MCM6: variants seen among roughly 807,000 people sequenced by gnomAD.
MCM6 encodes minichromosome maintenance complex component 6.
Under a neutral mutation model 94.3 loss-of-function variants are expected in MCM6, and 46 were observed. The ratio of observed to expected loss-of-function variants is 0.49; its 90% CI spans 0.39 to 0.62. MCM6 has a LOEUF of 0.62. MCM6 is among the 20% of genes least tolerant of loss of function. The pLI, the probability that MCM6 is intolerant of heterozygous loss-of-function variation, is 0.00. For missense variants in MCM6, 865 were observed against 1,017.9 expected, an observed-to-expected ratio of 0.85 and a Z score of 2.04; for synonymous variants, 335 against 351.9, an observed-to-expected ratio of 0.95 and a Z score of 0.54.
In MCM6 at chr2:135,848,188, C is replaced by T. The variant is rs1302265087; in HGVS notation, c.1918G>A (p.Val640Ile). 1 of 1,601,154 alleles carries T rather than the reference C, an allele frequency of 6.2e-7. No individual in the cohort carries two copies. Among genetic ancestry groups the T allele is most frequent in the East Asian group, 2.2e-5 (1 of 44,676 alleles). Reference sequence around the variant, plus strand: ...GCTTCCTTCACATGTTTAGGTTGGACCTAAACCAATAATGATGAAGTAATT... The same window carrying T: ...GCTTCCTTCACATGTTTAGGTTGGATCTAAACCAATAATGATGAAGTAATT... Reference protein sequence around the residue: ...AMARMHCCDEVQPKHVKEAFR... With the variant: ...AMARMHCCDEIQPKHVKEAFR... The change falls in exon 14 of 17, where the codon GTC (valine) becomes ATC (isoleucine). Residue 640 changes from valine (V) to isoleucine (I), a missense_variant and splice_region_variant. By Grantham distance (29) the Val-to-Ile change is conservative. This residue lies in a region of MCM6 where 308 missense variants were observed against 324.5 expected (regional missense o/e 0.95). Coordinates refer to ENST00000264156, the MANE Select transcript of MCM6 (RefSeq NM_005915.6).
intron 3 of MCM6, among the ~76,000 whole-genome samples, chr2:135,869,363 T>G (rs1407390055): frequency 2.8e-5 from 4 of 144,372 alleles, no homozygotes; most frequent in African/African-American, 1.0e-4. Flanking sequence ...ATCGTGCCAC[T>G]GCACTCTGGC....
intron 1 of MCM6, among the ~76,000 whole-genome samples, chr2:135,875,299 G>A (rs550771309): frequency 3.3e-5 from 5 of 152,210 alleles, no homozygotes; most frequent in South Asian, 2.1e-4. Context: ...GGGAGACGGA[G>A]GTTGCGGTGA....
intron 11 of MCM6, 146 bp downstream of exon 11, chr2:135,856,582 T>C (rs1679896003): frequency 1.5e-6 from 1 of 655,216 alleles, no homozygotes; most frequent in South Asian, 3.2e-5. Context: ...AGTTGCTTAC[T>C]AAACCCTTTG....
chr2:135,876,282 T>C lies in MCM6; in HGVS notation c.84A>G (p.Lys28=), dbSNP rs773891158. The change falls in exon 1 of 17, where the codon AAA becomes AAG. Residue 28 remains lysine, a synonymous_variant. Coordinates refer to ENST00000264156, the MANE Select transcript of MCM6 (RefSeq NM_005915.6). ...VRDEVAEKCQ[K]LFLDFLEEFQ... ...ACTCCTCCAAGAAGTCCAGGAACAG[T>C]TTCTGGCACTTCTCGGCCACCTCGT... is the stretch of plus-strand genomic sequence containing the variant. The C allele has an allele frequency of 1.9e-6, 3 of 1,610,480 alleles. No individual in the cohort carries two copies. Among genetic ancestry groups the C allele is most frequent in the African/African-American group, 1.3e-5 (1 of 74,742 alleles).
intron 1 of MCM6, among the ~76,000 whole-genome samples, chr2:135,875,136 C>CG (rs929831367): frequency 6.6e-5 from 10 of 152,088 alleles, no homozygotes; most frequent in Non-Finnish European, 1.2e-4. Flanking sequence ...GAAGCCCAGG[C>CG]GGGGGGATCA....
intron 15 of MCM6, 120 bp downstream of exon 15, chr2:135,846,117 A>T (rs1679665462): frequency 3.1e-6 from 3 of 959,702 alleles, no homozygotes; most frequent in African/African-American, 1.6e-5. Context: ...AAGTGAGTTT[A>T]TCTAACAACT....
At chr2:135,868,926 T>C in intron 3 of MCM6, 66 bp from the exon 4 acceptor site, 1 of 1,457,100 alleles carries the variant, frequency 6.9e-7, no homozygotes, top group Non-Finnish European at 9.5e-7. Context: ...TCCATTTTAG[T>C]GAGAGGGTAT....
intron 14 of MCM6, 46 bp from the exon 15 acceptor site, chr2:135,846,438 C>G: frequency 6.5e-7 from 1 of 1,547,404 alleles, no homozygotes; most frequent in Non-Finnish European, 8.9e-7. Context: ...GTGCCCTTAA[C>G]ATCCCCTTGT....
At chr2:135,856,910 A>G (rs766006964) in intron 10 of MCM6, 27 bp from the exon 11 acceptor site, 1 of 1,590,740 alleles carries the variant, frequency 6.3e-7, no homozygotes, top group South Asian at 1.1e-5. Context: ...GAATCTTAAC[A>G]GATTTAAATA....
At chr2:135,866,432 T>C (rs1680096342) in intron 5 of MCM6, 131 bp downstream of exon 5, 3 of 1,400,148 alleles carry the variant, frequency 2.1e-6, no homozygotes, top group Non-Finnish European at 2.9e-6. Context: ...AATTTGTTTT[T>C]ATTCTCATCA....
At chr2:135,861,072 A>T (rs1390263806) in intron 8 of MCM6, among the ~76,000 whole-genome samples, 1 of 152,196 alleles carries the variant, frequency 6.6e-6, no homozygotes, top group Non-Finnish European at 1.5e-5. Context: ...AAAAAAAAGA[A>T]TCCTTTGTAA....
intron 15 of MCM6, among the ~76,000 whole-genome samples, chr2:135,845,884 T>C (rs1679661737): frequency 6.6e-6 from 1 of 152,226 alleles, no homozygotes; most frequent in Admixed American, 6.5e-5. Context: ...AAATATACCC[T>C]AGGGGTCCAG....
intron 13 of MCM6, among the ~76,000 whole-genome samples, chr2:135,850,095 T>C (rs556297098): frequency 2.3e-4 from 35 of 152,234 alleles, no homozygotes; most frequent in African/African-American, 8.4e-4. Context: ...TCAGGAACTA[T>C]CACAATGAAA....
At chr2:135,852,445 A>G (rs1679794802) in intron 12 of MCM6, among the ~76,000 whole-genome samples, 1 of 152,026 alleles carries the variant, frequency 6.6e-6, no homozygotes, top group Non-Finnish European at 1.5e-5. Flanking sequence ...CTTCAAAGAA[A>G]GATTCAACTA....
chr2:135,861,483 G>A (rs958373139), intron 8 of MCM6, among the ~76,000 whole-genome samples: 10 of 152,096 alleles, frequency 6.6e-5, no homozygotes, highest in Admixed American at 6.6e-4. Context: ...TGGGCCCTAA[G>A]TTTCTTAAAA....
chr2:135,862,702 G>A lies in MCM6; in HGVS notation c.1125C>T (p.Gly375=), dbSNP rs767725842. 1.9e-6 allele frequency: 3 copies of A among 1,613,848 alleles called. No individual in the cohort carries two copies. Among genetic ancestry groups the A allele is most frequent in the East Asian group, 2.2e-5 (1 of 44,898 alleles). ...KRGVLLMLFG[G]VPKTTGEGTS... ...TCCCTTCTCCTGTTGTCTTTGGAACGCCACCAAAGAGCATCAGCAGGACAC... is the reference window on the plus strand; with the variant it reads ...TCCCTTCTCCTGTTGTCTTTGGAACACCACCAAAGAGCATCAGCAGGACAC... Residue 375 remains glycine (G), a synonymous_variant, in exon 8 of 17, where the codon GGC becomes GGT. Coordinates refer to ENST00000264156, the MANE Select transcript of MCM6 (RefSeq NM_005915.6).
At chr2:135,850,265 G>C (rs1160931104) in intron 13 of MCM6, among the ~76,000 whole-genome samples, 6 of 151,998 alleles carry the variant, frequency 3.9e-5, no homozygotes, top group Admixed American at 1.3e-4. Context: ...CAGCACTCTG[G>C]TTGTGATGCT....
rs879251295 is a variant in MCM6, at chr2:135,873,044, CAT to C, written c.108-203_108-202del. Among the ~76,000 whole-genome samples the C allele has an allele frequency of 3.3e-5, 5 of 152,178 alleles. No homozygotes were observed. In the South Asian group the frequency reaches 1.0e-3, roughly 31 times the overall value. On this transcript the variant is annotated intron_variant, in intron 1 of 16. Transcript: ENST00000264156. ...ACCCAAATCTCGACTTGAATTTCCA[CAT>C]GTTGTGGGAGGCACCTGGTGGGAGT...
At chr2:135,854,529 C>CAAAA (rs1181597035) in intron 11 of MCM6, among the ~76,000 whole-genome samples, 3 of 49,958 alleles carry the variant, frequency 6.0e-5, no homozygotes, top group East Asian at 5.9e-4. Flanking sequence ...GACTCCATCT[C>CAAAA]AAAAAAAAAA....
Sources: allele counts gnomAD v4.1 joint callset (sites outside exome capture counted in the v4.1 genomes callset), GRCh38; gene constraint gnomAD v4.1.1; regional missense constraint gnomAD v4.1.1; transcripts MANE v1.5; gene names NCBI Gene and HGNC (gene_info 2026-07-23, HGNC 2026-07-21).